Variants in LRP12 observed in about 807,000 individuals in gnomAD.
The protein encoded by LRP12 is LDL receptor related protein 12.
A neutral mutation model predicts 66.0 loss-of-function variants in LRP12; 14 were observed. That is an observed-to-expected ratio of 0.21 (90% CI 0.14 to 0.33). LRP12 has a LOEUF of 0.33. Ranked by LOEUF, LRP12 falls within the 10% of genes least tolerant of loss-of-function variation. The probability of loss-of-function intolerance (pLI) is 1.00; values close to 1 mark genes in which losing one functional copy is unlikely to be tolerated. For synonymous variants in LRP12, 357 were observed against 359.1 expected (o/e 0.99, Z 0.07); for missense variants, 889 against 1,053.4 (o/e 0.84, Z 2.16).
chr8:104,495,409 T>C (rs550707625), intron 5 of LRP12, 200 bp from the exon 6 acceptor site: 5 of 506,872 alleles, frequency 9.9e-6, no homozygotes, highest in Admixed American at 6.8e-5. Context: ...TCTGTCTTCA[T>C]AGGGCTTTAT....
rs1168431187 is a variant in LRP12 at position 104,505,784 on chromosome 8, T to A, written c.272+3155A>T. ...ATTACTCCTATTTTTAATCAGTGGC[T>A]ACCTTTTGATATTTTAACTGAAATG... On this transcript the variant is annotated intron_variant, in intron 3 of 6. Coordinates refer to ENST00000276654, the MANE Select transcript of LRP12 (RefSeq NM_013437.5). The A allele has an allele frequency of 2.6e-5, 4 of 152,314 alleles. No individual in the cohort carries two copies. The East Asian group carries it at 7.7e-4, about 29-fold the overall frequency. 9.4% of individuals were successfully genotyped at this position (152,314 alleles called of 1,614,324 possible).
At chr8:104,570,180 T>G (rs1812057313) in intron 1 of LRP12, among the ~76,000 whole-genome samples, 1 of 152,090 alleles carries the variant, frequency 6.6e-6, no homozygotes, top group Non-Finnish European at 1.5e-5. Context: ...ATTAGAAAAC[T>G]CAACATAGTA....
chr8:104,579,444 GA>G (rs1228647898), intron 1 of LRP12, among the ~76,000 whole-genome samples: 1 of 152,002 alleles, frequency 6.6e-6, no homozygotes, highest in African/African-American at 2.4e-5. Context: ...ACAAACAAAT[GA>G]AAAAACATTC....
At position 104,489,708 on chromosome 8, in the gene LRP12, G is replaced by A. The variant is rs1810587404; in HGVS notation, c.*965C>T. On this transcript the variant is annotated 3_prime_UTR_variant, in exon 7 of 7. Transcript: ENST00000276654. Reference sequence around the variant, plus strand: ...AAATGTCCCCCGCCCCCAGCCAAAAGCTATGGAAATATATAGTTGCTGTGG... The same window carrying A: ...AAATGTCCCCCGCCCCCAGCCAAAAACTATGGAAATATATAGTTGCTGTGG... 6.6e-6 allele frequency: 1 copy of A among 152,100 alleles called. No individual in the cohort carries two copies. Among genetic ancestry groups the A allele is most frequent in the Non-Finnish European group, 1.5e-5 (1 of 68,012 alleles). The allele number at this position is 152,100 out of a possible 1,614,324, so 9.4% of individuals were successfully genotyped here.
chr8:104,578,186 A>T (rs1812195034), intron 1 of LRP12, among the ~76,000 whole-genome samples: 1 of 152,114 alleles, frequency 6.6e-6, no homozygotes, highest in Non-Finnish European at 1.5e-5. Flanking sequence ...AATTCAAATG[A>T]GCACAATCAG....
intron 1 of LRP12, among the ~76,000 whole-genome samples, chr8:104,549,924 T>C (rs778362814): frequency 7.2e-5 from 11 of 152,184 alleles, no homozygotes; most frequent in Non-Finnish European, 1.5e-4. Flanking sequence ...ATCGCCTCTC[T>C]TTCCAACTAT....
chr8:104,527,577 C>G (rs1564136347), intron 2 of LRP12, among the ~76,000 whole-genome samples: 1 of 151,618 alleles, frequency 6.6e-6, no homozygotes, highest in Non-Finnish European at 1.5e-5. Context: ...TAAACTATCG[C>G]AAGGACAAAA....
At chr8:104,557,541 A>C (rs1811830244) in intron 1 of LRP12, among the ~76,000 whole-genome samples, 1 of 151,886 alleles carries the variant, frequency 6.6e-6, no homozygotes, top group South Asian at 2.1e-4. Context: ...AAAAAAAAAA[A>C]AATTAGGAAT....
At position 104,569,942 on chromosome 8, in the gene LRP12, A is replaced by G. The variant is rs139849782; in HGVS notation, c.79+18877T>C. 6.0e-3 allele frequency among the ~76,000 whole-genome samples: 911 copies of G among 152,318 alleles called. 9 individuals carry two copies. Among genetic ancestry groups the G allele is most frequent in the Admixed American group, 0.012 (190 of 15,302 alleles). ...ATCTACACAAATACTCCTAGAACTA[A>G]TAAGTGAGTTTAGACACAGGGTCAA... is the stretch of plus-strand genomic sequence containing the variant. On this transcript the variant is annotated intron_variant, in intron 1 of 6. Transcript: ENST00000276654.
chr8:104,494,929 T>C (rs1810701156), intron 6 of LRP12, 148 bp downstream of exon 6: 2 of 625,470 alleles, frequency 3.2e-6, no homozygotes, highest in Non-Finnish European at 2.7e-6. Context: ...TGTTAAACTA[T>C]AATGAAAACT....
In LRP12 at chr8:104,490,463, T is replaced by C. The variant is rs1810600240; in HGVS notation, c.*210A>G. The stretch of plus-strand genomic sequence containing the variant: ...AAAGGACATTATTGAACAATATGAA[T>C]ATGTGATGCATTTTTAGCTGCTAAA... On this transcript the variant is annotated 3_prime_UTR_variant, in exon 7 of 7. Coordinates refer to ENST00000276654, the MANE Select transcript of LRP12 (RefSeq NM_013437.5). 2 of 531,572 alleles carry C rather than the reference T, an allele frequency of 3.8e-6. No individual in the cohort carries two copies. The highest frequency in any genetic ancestry group is 6.6e-6 in the Non-Finnish European group (2 of 303,730). 32.9% of individuals were successfully genotyped at this position (531,572 alleles called of 1,614,324 possible).
At chr8:104,517,672 G>C (rs16871532) in intron 2 of LRP12, among the ~76,000 whole-genome samples, 4,660 of 152,164 alleles carry the variant, frequency 0.031, 239 homozygotes, top group African/African-American at 0.11. Flanking sequence ...GGTAACGGTG[G>C]TTAGTGTCAT....
chr8:104,547,923 T>C (rs1811622337), intron 1 of LRP12, among the ~76,000 whole-genome samples: 1 of 128,870 alleles, frequency 7.8e-6, no homozygotes, highest in Admixed American at 9.1e-5. Context: ...ATTTTGTATA[T>C]AATATACAAT....
At chr8:104,540,071 G>A (rs1811452809) in intron 1 of LRP12, among the ~76,000 whole-genome samples, 1 of 152,050 alleles carries the variant, frequency 6.6e-6, no homozygotes, top group African/African-American at 2.4e-5. Flanking sequence ...CATTTTCAGT[G>A]AATTTTGGTC....
Position 104,498,024 on chromosome 8 carries a change from T to C in LRP12, c.528A>G (p.Gly176=), listed in dbSNP as rs1275563379. 1 of 1,612,880 alleles carries C rather than the reference T, an allele frequency of 6.2e-7. No individual in the cohort carries two copies. Among genetic ancestry groups the C allele is most frequent in the Non-Finnish European group, 8.5e-7 (1 of 1,179,398 alleles). ...CACDQFRCGN[G]KCIPEAWKCN... ...ATTTCCAGGCTTCTGGTATACACTT[T>C]CCATTACCACAACGAAACTGATCAC... Residue 176 remains glycine (G), a synonymous_variant, in exon 5 of 7, where the codon GGA becomes GGG. Transcript: ENST00000276654.
At chr8:104,524,890 G>C (rs1811206921) in intron 2 of LRP12, among the ~76,000 whole-genome samples, 1 of 152,070 alleles carries the variant, frequency 6.6e-6, no homozygotes, top group Non-Finnish European at 1.5e-5. Flanking sequence ...AGATTACAGA[G>C]TAATTCAGTT....
At chr8:104,547,779 GTA>G (rs1438744161) in intron 1 of LRP12, among the ~76,000 whole-genome samples, 1 of 123,060 alleles carries the variant, frequency 8.1e-6, no homozygotes, top group African/African-American at 3.1e-5. Context: ...ATTATATTTT[GTA>G]TATAATATAT....
chr8:104,492,795 G>T (rs2140827418), intron 6 of LRP12, among the ~76,000 whole-genome samples: 1 of 151,908 alleles, frequency 6.6e-6, no homozygotes, highest in African/African-American at 2.4e-5. Context: ...ACATGGATTT[G>T]CTATACAGAT....
intron 1 of LRP12, among the ~76,000 whole-genome samples, chr8:104,550,768 A>AT (rs1359821626): frequency 6.6e-6 from 1 of 152,206 alleles, no homozygotes; most frequent in East Asian, 1.9e-4. Context: ...AGAACACAGA[A>AT]TAGTGCCTGG....
Sources: gnomAD v4.1 joint callset for allele counts (sites outside exome capture counted in the v4.1 genomes callset) on GRCh38, gnomAD v4.1.1 for gene constraint, MANE v1.5 for transcripts, NCBI Gene and HGNC (gene_info 2026-07-23, HGNC 2026-07-21) for gene names.